Variants in LARGE1 observed in about 807,000 individuals in gnomAD.
LARGE1 encodes xylosyl- and glucuronyltransferase LARGE1.
Under a neutral mutation model 87.6 loss-of-function variants are expected in LARGE1, and 43 were observed. The ratio of observed to expected loss-of-function variants is 0.49; its 90% CI spans 0.38 to 0.63. LARGE1 has a LOEUF of 0.63. LARGE1 is among the 30% of genes least tolerant of loss of function. The pLI, the probability that LARGE1 is intolerant of heterozygous loss-of-function variation, is 0.00. For missense variants in LARGE1, 802 were observed against 1,000.2 expected, an observed-to-expected ratio of 0.80 and a Z score of 2.67; for synonymous variants, 434 against 394.6, an observed-to-expected ratio of 1.10 and a Z score of -1.18.
chr22:33,327,501 C>T (rs988662898), intron 10 of LARGE1, among the ~76,000 whole-genome samples: 1 of 152,160 alleles, frequency 6.6e-6, no homozygotes, highest in Non-Finnish European at 1.5e-5. Context: ...CATTTACTGA[C>T]CATTTTACAG....
intron 9 of LARGE1, among the ~76,000 whole-genome samples, chr22:33,356,372 G>A (rs978421207): frequency 6.6e-6 from 1 of 152,168 alleles, no homozygotes; most frequent in African/African-American, 2.4e-5. Context: ...CATGATCCAA[G>A]GACACATGAT....
At chr22:33,139,678 C>T in the LARGE1 span, among the ~76,000 whole-genome samples, 1 of 152,096 alleles carries the variant, frequency 6.6e-6, no homozygotes, top group South Asian at 2.1e-4. Context: ...TATTCTCTAT[C>T]TGGTAAACTA....
chr22:33,635,808 A>G (rs746778950), intron 3 of LARGE1, among the ~76,000 whole-genome samples: 1 of 152,240 alleles, frequency 6.6e-6, no homozygotes. Context: ...ACAAACCTCC[A>G]GGATTTGGGA....
intron 6 of LARGE1, among the ~76,000 whole-genome samples, chr22:33,496,062 A>C (rs192667393): frequency 1.6e-4 from 25 of 152,318 alleles, no homozygotes; most frequent in Non-Finnish European, 1.5e-5. Flanking sequence ...AGGTGCAAGG[A>C]AGCCAGTCCG....
Position 33,612,492 on chromosome 22 carries a change from G to A in LARGE1, c.492-7934C>T, listed in dbSNP as rs187803638. On this transcript the variant is annotated intron_variant, in intron 4 of 14. Transcript: ENST00000397394. The stretch of plus-strand genomic sequence containing the variant: ...AGGACTTGAATATGTGCAGATTCTG[G>A]ATATGTGGGTTGCCTGGAACCAATC... 2.0e-3 allele frequency among the ~76,000 whole-genome samples: 303 copies of A among 152,298 alleles called. 4 individuals are homozygous for A. The highest frequency in any genetic ancestry group is 7.0e-3 in the African/African-American group (292 of 41,550).
chr22:33,199,100 C>T (rs777048992), intron 11 of LARGE1, among the ~76,000 whole-genome samples: 11 of 151,906 alleles, frequency 7.2e-5, no homozygotes, highest in Non-Finnish European at 1.3e-4. Context: ...ATCTGATGAT[C>T]GTGATGTTGA....
intron 9 of LARGE1, among the ~76,000 whole-genome samples, chr22:33,373,535 G>A (rs1249957060): frequency 6.6e-6 from 1 of 152,126 alleles, no homozygotes; most frequent in Non-Finnish European, 1.5e-5. Context: ...TGCTGCATGT[G>A]ATTTTCAGGT....
intron 2 of LARGE1, among the ~76,000 whole-genome samples, chr22:33,653,340 T>A (rs569743319): frequency 6.6e-6 from 1 of 152,290 alleles, no homozygotes; most frequent in Non-Finnish European, 1.5e-5. Context: ...GTAAACAAGG[T>A]CTCCTGGACT....
chr22:33,728,026 T>C (rs941170222), intron 2 of LARGE1, among the ~76,000 whole-genome samples: 1 of 152,126 alleles, frequency 6.6e-6, no homozygotes, highest in Non-Finnish European at 1.5e-5. Context: ...CAAGTGTCCA[T>C]ATAAACAGAG....
In LARGE1 at chr22:33,385,185, G is replaced by C. The variant is rs553708057; in HGVS notation, c.893-881C>G. 2.7e-5 allele frequency among the ~76,000 whole-genome samples: 4 copies of C among 148,610 alleles called. 1 individual carries two copies. The South Asian group carries it at 9.6e-4, about 36-fold the overall frequency. On this transcript the variant is annotated intron_variant, in intron 7 of 14. Coordinates refer to ENST00000397394, the MANE Select transcript of LARGE1 (RefSeq NM_133642.5). ...TCTGCGGAAGGGACCTGGGTGAATG[G>C]AGGGTTGTTTAGGGAGGGAAACTCC...
intron 11 of LARGE1, among the ~76,000 whole-genome samples, chr22:33,187,656 C>T (rs549535275): frequency 6.6e-6 from 1 of 152,142 alleles, no homozygotes; most frequent in Non-Finnish European, 1.5e-5. Context: ...CGATGGCTCA[C>T]GCCTATAATC....
the LARGE1 span, among the ~76,000 whole-genome samples, chr22:33,127,612 G>C: frequency 6.6e-6 from 1 of 152,060 alleles, no homozygotes; most frequent in Non-Finnish European, 1.5e-5. Flanking sequence ...CATCATTCCT[G>C]TCCCTAAACA....
chr22:33,359,560 C>CTTTTTTTTT lies in LARGE1; in HGVS notation c.1132-21768_1132-21760dup, dbSNP rs539990533. 1.8e-3 allele frequency among the ~76,000 whole-genome samples: 215 copies of CTTTTTTTTT among 119,224 alleles called. 3 individuals are homozygous for CTTTTTTTTT. Among genetic ancestry groups the CTTTTTTTTT allele is most frequent in the African/African-American group, 6.3e-3 (202 of 32,204 alleles). 78.2% of individuals were successfully genotyped at this position (119,224 alleles called of 152,430 possible). The stretch of plus-strand genomic sequence containing the variant: ...GAACGACCCTGTATGGCAGACTCAT[C>CTTTTTTTTT]TTTTTTTTTTTTTTTTTTTTTGAGA... On this transcript the variant is annotated intron_variant, in intron 9 of 14. Coordinates refer to ENST00000397394, the MANE Select transcript of LARGE1 (RefSeq NM_133642.5).
In LARGE1 at chr22:33,259,069, G is replaced by A. The variant is rs933897417; in HGVS notation, c.1730+45160C>T. ...ATATATTTGTATTTTTAGTAGAGACGAGATTTCACCATGTTGGCCAGGATG... is the reference window on the plus strand; with the variant it reads ...ATATATTTGTATTTTTAGTAGAGACAAGATTTCACCATGTTGGCCAGGATG... On this transcript the variant is annotated intron_variant, in intron 11 of 11. Transcript: ENST00000608642. 7.2e-5 allele frequency among the ~76,000 whole-genome samples: 11 copies of A among 152,028 alleles called. No homozygotes were observed. In the East Asian group the frequency reaches 1.6e-3, roughly 21 times the overall value.
At chr22:33,561,772 A>G (rs751599497) in intron 6 of LARGE1, among the ~76,000 whole-genome samples, 8 of 152,188 alleles carry the variant, frequency 5.3e-5, no homozygotes, top group Non-Finnish European at 8.8e-5. Context: ...CCGCTGACAT[A>G]GGAGGGAGGT....
At chr22:33,248,031 A>G (rs1435858238) in intron 11 of LARGE1, among the ~76,000 whole-genome samples, 3 of 152,182 alleles carry the variant, frequency 2.0e-5, no homozygotes, top group Non-Finnish European at 4.4e-5. Context: ...CCTTTTGCCA[A>G]GATTGGAACC....
At chr22:33,727,450 A>G (rs555515861) in intron 2 of LARGE1, 3 of 152,236 alleles carry the variant, frequency 2.0e-5, no homozygotes, top group Non-Finnish European at 4.4e-5. Context: ...AATAAAGTAA[A>G]AGAGTGTATC....
rs2080774698 is a variant in LARGE1, at chr22:33,650,688, G to A, written c.107-20C>T. 3 of 1,597,886 alleles carry A rather than the reference G, an allele frequency of 1.9e-6. No individual in the cohort carries two copies. Among genetic ancestry groups the A allele is most frequent in the Non-Finnish European group, 2.5e-6 (3 of 1,179,856 alleles). On this transcript the variant is annotated intron_variant, in intron 2 of 14. Coordinates refer to ENST00000397394, the MANE Select transcript of LARGE1 (RefSeq NM_133642.5). ...TTCCATCTGGGGAGCGAAACACCAG[G>A]GAAGCTTTAATCTGGATGAACCATG...
At chr22:33,808,908 A>G (rs1228378559) in intron 1 of LARGE1, among the ~76,000 whole-genome samples, 1 of 152,118 alleles carries the variant, frequency 6.6e-6, no homozygotes, top group Non-Finnish European at 1.5e-5. Context: ...ATCTTCATCC[A>G]TTCTTCTCTC....
Sources: gnomAD v4.1 joint callset for allele counts (sites outside exome capture counted in the v4.1 genomes callset) on GRCh38, gnomAD v4.1.1 for gene constraint, MANE v1.5 for transcripts, NCBI Gene and HGNC (gene_info 2026-07-23, HGNC 2026-07-21) for gene names.